ZNF804A: variants seen among roughly 807,000 people sequenced by gnomAD.
ZNF804A encodes zinc finger protein 804A.
A neutral mutation model predicts 16.5 loss-of-function variants in ZNF804A; 2 were observed. The observed-to-expected ratio is 0.12, with a 90% CI of 0.05 to 0.38. The LOEUF is 0.38. Ranked by LOEUF, ZNF804A falls within the 10% of genes least tolerant of loss-of-function variation. The probability of loss-of-function intolerance (pLI) is 0.99; values close to 1 mark genes in which losing one functional copy is unlikely to be tolerated. For missense variants in ZNF804A, 1,473 were observed against 1,390.7 expected, an observed-to-expected ratio of 1.06 and a Z score of -0.94; for synonymous variants, 534 against 489.6, an observed-to-expected ratio of 1.09 and a Z score of -1.20.
intron 1 of ZNF804A, among the ~76,000 whole-genome samples, chr2:184,652,397 A>G (rs2105701223): frequency 6.6e-6 from 1 of 152,262 alleles, no homozygotes; most frequent in Middle Eastern, 3.4e-3. Context: ...GTACCTAGGT[A>G]ACAAATCTTC....
intron 1 of ZNF804A, among the ~76,000 whole-genome samples, chr2:184,789,841 T>A (rs555252278): frequency 6.6e-6 from 1 of 152,084 alleles, no homozygotes; most frequent in South Asian, 2.1e-4. Flanking sequence ...TGCTCTGACC[T>A]TTTTTTATTT....
intron 2 of ZNF804A, among the ~76,000 whole-genome samples, chr2:184,894,724 C>T (rs113180510): frequency 3.6e-4 from 55 of 152,150 alleles, no homozygotes; most frequent in Non-Finnish European, 5.4e-4. Context: ...CTTGCTCTGT[C>T]GCCCAGGCTG....
At chr2:184,807,858 A>T (rs1694834916) in intron 1 of ZNF804A, among the ~76,000 whole-genome samples, 1 of 151,710 alleles carries the variant, frequency 6.6e-6, no homozygotes, top group Non-Finnish European at 1.5e-5. Context: ...ATATTTGTAC[A>T]AAGACCAATA....
intron 1 of ZNF804A, among the ~76,000 whole-genome samples, chr2:184,643,720 A>C (rs1691831099): frequency 6.6e-6 from 1 of 151,616 alleles, no homozygotes; most frequent in African/African-American, 2.4e-5. Flanking sequence ...ATAGGTAAAC[A>C]TGTGCATATA....
intron 1 of ZNF804A, among the ~76,000 whole-genome samples, chr2:184,706,684 C>G (rs1258397376): frequency 6.6e-6 from 1 of 152,090 alleles, no homozygotes; most frequent in Non-Finnish European, 1.5e-5. Flanking sequence ...ATCAGGATAG[C>G]TGTGGTTTAG....
intron 1 of ZNF804A, among the ~76,000 whole-genome samples, chr2:184,805,274 T>C (rs1694784619): frequency 6.6e-6 from 1 of 152,176 alleles, no homozygotes; most frequent in Admixed American, 6.5e-5. Flanking sequence ...AATATCTGTA[T>C]CTCTGTGTTC....
chr2:184,809,616 C>A (rs919421499), intron 1 of ZNF804A, among the ~76,000 whole-genome samples: 1 of 151,504 alleles, frequency 6.6e-6, no homozygotes, highest in African/African-American at 2.4e-5. Flanking sequence ...ATTCTAGAAC[C>A]TACATATGTA....
intron 2 of ZNF804A, among the ~76,000 whole-genome samples, chr2:184,908,600 A>T (rs1166260019): frequency 6.6e-6 from 1 of 152,146 alleles, no homozygotes; most frequent in Non-Finnish European, 1.5e-5. Context: ...GCTAATTATC[A>T]ATAGGTTTAT....
In ZNF804A at chr2:184,784,411, T is replaced by C. The variant is rs1479729262; in HGVS notation, c.112-81958T>C. Among the ~76,000 whole-genome samples the C allele has an allele frequency of 5.9e-5, 9 of 152,124 alleles. No individual in the cohort carries two copies. In the South Asian group the frequency reaches 1.9e-3, roughly 32 times the overall value. ...TATATTAATAATGTAAATGTGGGGT[T>C]ATTCTTGCTGGAGGTCTGATGGCAT... On this transcript the variant is annotated intron_variant, in intron 1 of 3. Transcript: ENST00000302277.
intron 1 of ZNF804A, among the ~76,000 whole-genome samples, chr2:184,771,188 C>A (rs1001381908): frequency 6.6e-6 from 1 of 151,938 alleles, no homozygotes; most frequent in Non-Finnish European, 1.5e-5. Context: ...TAACTATGTG[C>A]TTTTAAAATA....
At chr2:184,671,264 G>A (rs964302338) in intron 1 of ZNF804A, among the ~76,000 whole-genome samples, 2 of 152,276 alleles carry the variant, frequency 1.3e-5, no homozygotes, top group East Asian at 1.9e-4. Flanking sequence ...CATCATGTCT[G>A]CTCTTATTCA....
chr2:184,938,071 A>G lies in ZNF804A; in HGVS notation c.2675A>G (p.Asn892Ser), dbSNP rs1354501263. 3 of 1,614,114 alleles carry G rather than the reference A, an allele frequency of 1.9e-6. No individual in the cohort carries two copies. Among genetic ancestry groups the G allele is most frequent in the African/African-American group, 1.3e-5 (1 of 75,048 alleles). The change falls in exon 4 of 4, where the codon AAT becomes AGT. Residue 892 changes from asparagine (N) to serine (S), a missense_variant. Asn to Ser is a conservative substitution (Grantham distance 46, BLOSUM62 1). Coordinates refer to ENST00000302277, the MANE Select transcript of ZNF804A (RefSeq NM_194250.2). ...HPNNLLPSET[N>S]GETEHLEMET... ...AACAATCTCCTTCCTTCTGAAACCAATGGTGAAACTGAGCATTTAGAAATG... is the reference window on the plus strand; with the variant it reads ...AACAATCTCCTTCCTTCTGAAACCAGTGGTGAAACTGAGCATTTAGAAATG...
chr2:184,782,998 A>G (rs1469831926), intron 1 of ZNF804A, among the ~76,000 whole-genome samples: 2 of 150,214 alleles, frequency 1.3e-5, no homozygotes, highest in Non-Finnish European at 3.0e-5. Context: ...ATTTATCTCT[A>G]TTTTTTGTTC....
chr2:184,793,068 C>T (rs1011554087), intron 1 of ZNF804A, among the ~76,000 whole-genome samples: 6 of 152,026 alleles, frequency 3.9e-5, no homozygotes, highest in African/African-American at 1.4e-4. Flanking sequence ...ATTGTGGCTT[C>T]CAGCTCCATC....
At chr2:184,825,497 T>A (rs543054474) in intron 1 of ZNF804A, among the ~76,000 whole-genome samples, 1 of 151,846 alleles carries the variant, frequency 6.6e-6, no homozygotes, top group African/African-American at 2.4e-5. Context: ...TGTGTGTGCA[T>A]GTGTGTGTGT....
At chr2:184,782,120 C>T (rs969303278) in intron 1 of ZNF804A, among the ~76,000 whole-genome samples, 1 of 151,754 alleles carries the variant, frequency 6.6e-6, no homozygotes, top group African/African-American at 2.4e-5. Flanking sequence ...AGGGCCTTAT[C>T]TTCAAATACA....
intron 1 of ZNF804A, among the ~76,000 whole-genome samples, chr2:184,649,638 AATACCCCT>A (rs1309046280): frequency 6.6e-6 from 1 of 152,008 alleles, no homozygotes; most frequent in Non-Finnish European, 1.5e-5. Context: ...GACTATTATA[AATACCCCT>A]ATACACACAA....
rs1445055841 is a variant in ZNF804A, at chr2:184,598,734, G to GGAGCGAGAGACTGAGGGGA, written c.-220_-202dup. ...CCCGACGCGAATCTGAGGAGAAACA[G>GGAGCGAGAGACTGAGGGGA]GAGCGAGAGACTGAGGGGAGAGCGC... On this transcript the variant is annotated 5_prime_UTR_variant, in exon 1 of 4. Transcript: ENST00000302277. The GGAGCGAGAGACTGAGGGGA allele has an allele frequency of 1.8e-4, 62 of 337,370 alleles. No homozygotes were observed. Among genetic ancestry groups the GGAGCGAGAGACTGAGGGGA allele is most frequent in the Middle Eastern group, 1.6e-3 (2 of 1,252 alleles). The allele number at this position is 337,370 out of a possible 1,614,324, so 20.9% of individuals were successfully genotyped here. A position where few individuals can be genotyped will look rare whatever the true frequency, so the allele number is the denominator to read the frequency against.
At chr2:184,648,451 A>G (rs893636537) in intron 1 of ZNF804A, among the ~76,000 whole-genome samples, 2 of 152,296 alleles carry the variant, frequency 1.3e-5, no homozygotes, top group Middle Eastern at 3.4e-3. Flanking sequence ...TTCCCACTTA[A>G]AAGACATGGA....
Sources: allele counts gnomAD v4.1 joint callset (sites outside exome capture counted in the v4.1 genomes callset), GRCh38; gene constraint gnomAD v4.1.1; transcripts MANE v1.5; gene names NCBI Gene and HGNC (gene_info 2026-07-23, HGNC 2026-07-21).